The following OAS1 variants were observed in gnomAD, a reference collection of about 807,000 sequenced individuals.
The protein encoded by OAS1 is 2'-5'-oligoadenylate synthase 1.
In OAS1, 24 loss-of-function variants were observed where a neutral mutation model predicts 38.5. That is an observed-to-expected ratio of 0.62 (90% CI 0.45 to 0.88). The LOEUF is 0.88. OAS1 is among the 40% of genes least tolerant of loss of function. The pLI is 0.00. For missense variants in OAS1, 482 were observed against 493.9 expected, an observed-to-expected ratio of 0.98 and a Z score of 0.23; for synonymous variants, 169 against 193.9, an observed-to-expected ratio of 0.87 and a Z score of 1.07.
intron 6 of OAS1, among the ~76,000 whole-genome samples, chr12:112,927,998 T>C (rs7305035): frequency 0.74 from 113,168 of 152,146 alleles, 43,391 homozygotes; most frequent in African/African-American, 0.94. Context: ...CCTGTCCCTC[T>C]CCTGGTTTGG....
At chr12:112,921,635 C>A (rs1025996621), downstream of OAS1, among the ~76,000 whole-genome samples, 1 of 152,142 alleles carries the variant, frequency 6.6e-6, no homozygotes, top group Non-Finnish European at 1.5e-5. Flanking sequence ...TGAATGACAC[C>A]TTTTCCCATG....
chr12:112,907,303 A>AGAG, intron 1 of OAS1, 84 bp downstream of exon 1: 12 of 1,377,944 alleles, frequency 8.7e-6, no homozygotes, highest in Non-Finnish European at 1.2e-5. Flanking sequence ...AGAGAGAGAG[A>AGAG]AGCAAAAACC....
chr12:112,929,982 C>T (rs1184295949), intron 6 of OAS1, among the ~76,000 whole-genome samples: 1 of 152,108 alleles, frequency 6.6e-6, no homozygotes, highest in Non-Finnish European at 1.5e-5. Flanking sequence ...AATGTAATCC[C>T]CAGTGTTGGA....
In OAS1 at chr12:112,907,022, C is replaced by A; in HGVS notation, c.-18C>A. The A allele has an allele frequency of 6.2e-7, 1 of 1,613,782 alleles. No individual in the cohort carries two copies. Among genetic ancestry groups the A allele is most frequent in the East Asian group, 2.2e-5 (1 of 44,884 alleles). ...ACAGGTCTGGGAGGCAGTTCTGTTG[C>A]CACTCTCTCTCCTGTCAATGATGGA... is the stretch of plus-strand genomic sequence containing the variant. On this transcript the variant is annotated 5_prime_UTR_variant, in exon 1 of 6. Transcript: ENST00000202917.
At chr12:112,924,142 G>A (rs2043546010), downstream of OAS1, among the ~76,000 whole-genome samples, 2 of 152,180 alleles carry the variant, frequency 1.3e-5, no homozygotes, top group South Asian at 2.1e-4. Context: ...AACGGATCAT[G>A]TTCTCTCCAC....
rs777467037 is a variant in OAS1 at position 112,907,119 on chromosome 12, G to T, written c.80G>T (p.Arg27Leu). Residue 27 changes from arginine (R) to leucine (L), a missense_variant, in exon 1 of 6, where the codon CGC becomes CTC. Transcript: ENST00000202917. Reference protein sequence around the residue: ...EDYLLPDTCFRMQINHAIDII... With the variant: ...EDYLLPDTCFLMQINHAIDII... The stretch of plus-strand genomic sequence containing the variant: ...TATCTCTTGCCAGACACGTGTTTCC[G>T]CATGCAAATCAACCATGCCATTGAC... 1.9e-6 allele frequency: 3 copies of T among 1,614,216 alleles called. No individual in the cohort carries two copies. The highest frequency in any genetic ancestry group is 2.5e-6 in the Non-Finnish European group (3 of 1,180,044).
At chr12:112,930,531 G>T (rs1187129939) in intron 6 of OAS1, among the ~76,000 whole-genome samples, 2 of 152,282 alleles carry the variant, frequency 1.3e-5, no homozygotes, top group African/African-American at 4.8e-5. Context: ...CTCTGCTGGG[G>T]CCTTCCTCAT....
At chr12:112,920,703 A>G (rs1415784514), downstream of OAS1, among the ~76,000 whole-genome samples, 1 of 152,218 alleles carries the variant, frequency 6.6e-6, no homozygotes, top group Non-Finnish European at 1.5e-5. Context: ...TAAAACTCTC[A>G]TAAATACTCA....
intron 5 of OAS1, chr12:112,918,670 A>G (rs1221295543): frequency 6.6e-6 from 3 of 455,728 alleles, no homozygotes; most frequent in African/African-American, 2.0e-5. Context: ...AATGGAATTC[A>G]AGCTCAGTGG....
chr12:112,910,912 A>G (rs780403711), intron 2 of OAS1, 139 bp from the exon 3 acceptor site: 4 of 707,210 alleles, frequency 5.7e-6, no homozygotes, highest in Non-Finnish European at 9.3e-6. Context: ...AGGATCAGGA[A>G]TGGACCTCAA....
chr12:112,929,031 T>C (rs2043580282), intron 6 of OAS1, among the ~76,000 whole-genome samples: 1 of 152,186 alleles, frequency 6.6e-6, no homozygotes, highest in African/African-American at 2.4e-5. Flanking sequence ...CTGCCTCATC[T>C]AGATTTCTGT....
intron 2 of OAS1, chr12:112,909,161 A>G: frequency 2.5e-6 from 1 of 401,450 alleles, no homozygotes. Flanking sequence ...TTGTCCCAAC[A>G]TGAGATCTCA....
chr12:112,919,153 G>A (rs1053619251), intron 5 of OAS1: 6 of 483,636 alleles, frequency 1.2e-5, no homozygotes, highest in Non-Finnish European at 2.3e-5. Flanking sequence ...CTGTGCTTGG[G>A]CACCTTGGGA....
chr12:112,917,054 A>G lies in OAS1; in HGVS notation c.884+316A>G, dbSNP rs2043470744. On this transcript the variant is annotated intron_variant, in intron 4 of 5. Transcript: ENST00000202917. Reference sequence around the variant, plus strand: ...TGAAATAAGAACAGCAGCAACAACAATGATAGTAATTGCTCCCAGGTATTG... The same window carrying G: ...TGAAATAAGAACAGCAGCAACAACAGTGATAGTAATTGCTCCCAGGTATTG... 1.1e-5 allele frequency: 4 copies of G among 361,412 alleles called. No individual in the cohort carries two copies. The Admixed American group carries it at 1.6e-4, about 15-fold the overall frequency. The allele number at this position is 361,412 out of a possible 1,614,324, so 22.4% of individuals were successfully genotyped here.
chr12:112,920,024 G>T, downstream of OAS1: 1 of 246,112 alleles, frequency 4.1e-6, no homozygotes. Context: ...CTTACTATGT[G>T]CCAAGCATAG....
intron 5 of OAS1, chr12:112,917,918 A>G (rs918128676): frequency 2.1e-6 from 3 of 1,443,084 alleles, no homozygotes; most frequent in African/African-American, 2.9e-5. Context: ...TCATTCCCCT[A>G]AGAGTAATAA....
rs1279968992 is a variant in OAS1 at position 112,911,329 on chromosome 12, G to A, written c.654+94G>A. On this transcript the variant is annotated intron_variant, in intron 3 of 5. Transcript: ENST00000202917. ...GAGAAAGAAGGGAGTGAAGGGAAGA[G>A]GAGGGGGAGTGGTGGAGGGAAATAG... 13 of 981,784 alleles carry A rather than the reference G, an allele frequency of 1.3e-5. No individual in the cohort carries two copies. The South Asian group carries it at 1.7e-4, about 13-fold the overall frequency. 60.8% of individuals were successfully genotyped at this position (981,784 alleles called of 1,614,324 possible).
At chr12:112,922,680 C>T (rs937157806), downstream of OAS1, among the ~76,000 whole-genome samples, 5 of 152,198 alleles carry the variant, frequency 3.3e-5, no homozygotes, top group African/African-American at 1.2e-4. Context: ...TGTTTTGTCC[C>T]CTGGGACTCT....
At chr12:112,914,661 G>T (rs186752494) in intron 3 of OAS1, among the ~76,000 whole-genome samples, 4 of 150,270 alleles carry the variant, frequency 2.7e-5, no homozygotes, top group Admixed American at 6.6e-5. Context: ...GTATCACATT[G>T]TGGTTTTGAT....
Sources: allele counts gnomAD v4.1 joint callset (sites outside exome capture counted in the v4.1 genomes callset), GRCh38; gene constraint gnomAD v4.1.1; transcripts MANE v1.5; gene names NCBI Gene and HGNC (gene_info 2026-07-23, HGNC 2026-07-21).